Variants in CACNA2D3 observed in about 807,000 individuals in gnomAD.
CACNA2D3 encodes the protein voltage-dependent calcium channel subunit alpha-2/delta-3.
Under a neutral mutation model 160.6 loss-of-function variants are expected in CACNA2D3, and 60 were observed. The observed-to-expected ratio is 0.37, with a 90% CI of 0.30 to 0.46. CACNA2D3 has a LOEUF of 0.46. CACNA2D3 is among the 20% of genes least tolerant of loss of function. CACNA2D3 has a pLI of 1.00. For synonymous variants in CACNA2D3, 558 were observed against 492.9 expected (o/e 1.13, Z -1.75); for missense variants, 1,205 against 1,365.0 (o/e 0.88, Z 1.85).
intron 35 of CACNA2D3, among the ~76,000 whole-genome samples, chr3:55,042,239 A>T (rs1286110995): frequency 6.6e-6 from 1 of 152,110 alleles, no homozygotes; most frequent in Non-Finnish European, 1.5e-5. Flanking sequence ...CCCAAGAGAG[A>T]TTTGTTAAAA....
At chr3:54,217,425 T>C (rs1701482664) in intron 2 of CACNA2D3, among the ~76,000 whole-genome samples, 1 of 152,146 alleles carries the variant, frequency 6.6e-6, no homozygotes, top group African/African-American at 2.4e-5. Flanking sequence ...CAAGTCCTAA[T>C]CCCTGGAATT....
At chr3:54,852,300 C>T (rs914691085) in intron 17 of CACNA2D3, among the ~76,000 whole-genome samples, 9 of 152,346 alleles carry the variant, frequency 5.9e-5, no homozygotes, top group African/African-American at 2.2e-4. Flanking sequence ...CACCCCTACG[C>T]CATCTAGACT....
At chr3:54,838,434 A>G (rs1698744024) in intron 15 of CACNA2D3, 134 bp from the exon 16 acceptor site, 1 of 714,584 alleles carries the variant, frequency 1.4e-6, no homozygotes, top group Admixed American at 2.1e-5. Context: ...CCATTCTTGG[A>G]GATATGGGTT....
At chr3:54,449,437 T>C (rs773323573) in intron 4 of CACNA2D3, among the ~76,000 whole-genome samples, 1 of 152,236 alleles carries the variant, frequency 6.6e-6, no homozygotes, top group Non-Finnish European at 1.5e-5. Flanking sequence ...AAGTTTTGTT[T>C]CAAGTGTGGT....
chr3:54,895,441 G>C lies in CACNA2D3; in HGVS notation c.2247-1308G>C, dbSNP rs535908541. 3.3e-5 allele frequency among the ~76,000 whole-genome samples: 5 copies of C among 152,288 alleles called. No homozygotes were observed. The South Asian group carries it at 8.3e-4, about 25-fold the overall frequency. ...CCTGGAGGGTGTCCTCGAAGGGCAT[G>C]GGCCTCCTCTCCAAAAGTGGGCACT... On this transcript the variant is annotated intron_variant, in intron 25 of 37. Coordinates refer to ENST00000474759, the MANE Select transcript of CACNA2D3 (RefSeq NM_018398.3).
At chr3:54,751,458 G>C (rs996859841) in intron 11 of CACNA2D3, among the ~76,000 whole-genome samples, 1 of 144,908 alleles carries the variant, frequency 6.9e-6, no homozygotes, top group Non-Finnish European at 1.5e-5. Flanking sequence ...AGCGTTTTTT[G>C]TGTTTTTTTT....
At chr3:54,245,009 T>G (rs1702044053) in intron 2 of CACNA2D3, among the ~76,000 whole-genome samples, 1 of 152,132 alleles carries the variant, frequency 6.6e-6, no homozygotes, top group Admixed American at 6.5e-5. Flanking sequence ...TTAAAACGTG[T>G]TGGGTGGGTT....
chr3:54,867,542 A>AAAG (rs58946736), intron 17 of CACNA2D3, among the ~76,000 whole-genome samples: 1 of 149,828 alleles, frequency 6.7e-6, no homozygotes, highest in East Asian at 2.0e-4. Context: ...AAAAAAAAAA[A>AAAG]GGCCTTTAAA....
chr3:54,532,769 C>T (rs912267939), intron 5 of CACNA2D3, among the ~76,000 whole-genome samples: 5 of 152,148 alleles, frequency 3.3e-5, no homozygotes, highest in African/African-American at 1.2e-4. Flanking sequence ...CATTTGGATG[C>T]ATGGATCTTT....
At chr3:55,019,442 T>C (rs779421191) in intron 35 of CACNA2D3, among the ~76,000 whole-genome samples, 1 of 152,174 alleles carries the variant, frequency 6.6e-6, no homozygotes, top group Non-Finnish European at 1.5e-5. Flanking sequence ...TATATGTCTT[T>C]AGTTATATGC....
chr3:54,613,174 C>A (rs1419632632), intron 9 of CACNA2D3, among the ~76,000 whole-genome samples: 1 of 152,190 alleles, frequency 6.6e-6, no homozygotes, highest in East Asian at 1.9e-4. Flanking sequence ...TTTTACCTGC[C>A]AGGTAGACTG....
chr3:54,893,057 CTT>C (rs1700104636), intron 25 of CACNA2D3, among the ~76,000 whole-genome samples: 1 of 152,172 alleles, frequency 6.6e-6, no homozygotes, highest in Admixed American at 6.5e-5. Flanking sequence ...AGGCAGATCA[CTT>C]GAGGTCAGGA....
intron 4 of CACNA2D3, among the ~76,000 whole-genome samples, chr3:54,493,444 G>A (rs1045892914): frequency 6.6e-6 from 1 of 152,118 alleles, no homozygotes; most frequent in African/African-American, 2.4e-5. Context: ...AGAAAATAAT[G>A]TCCAGTGCTT....
chr3:54,651,604 T>A (rs1447810857), intron 11 of CACNA2D3, among the ~76,000 whole-genome samples: 1 of 151,968 alleles, frequency 6.6e-6, no homozygotes, highest in East Asian at 1.9e-4. Flanking sequence ...CAGGGCACTT[T>A]TGGAACTCTG....
Position 54,764,206 on chromosome 3 carries a change from G to C in CACNA2D3, c.1247-12G>C. ...CTGTTACTAAACTTGGCCCTCCCTT[G>C]GGTTTTGACAGGATTTTTTACCCAG... On this transcript the variant is annotated splice_polypyrimidine_tract_variant and intron_variant, in intron 12 of 37. Transcript: ENST00000474759. The C allele has an allele frequency of 1.2e-6, 2 of 1,613,164 alleles. No individual in the cohort carries two copies. The highest frequency in any genetic ancestry group is 1.7e-6 in the Non-Finnish European group (2 of 1,179,530).
chr3:54,720,139 T>G (rs1402452914), intron 11 of CACNA2D3, among the ~76,000 whole-genome samples: 1 of 152,022 alleles, frequency 6.6e-6, no homozygotes, highest in Non-Finnish European at 1.5e-5. Context: ...TTTCTATTCT[T>G]ATTTTTTATT....
chr3:54,934,517 C>T (rs1701281961), intron 27 of CACNA2D3, among the ~76,000 whole-genome samples: 1 of 152,104 alleles, frequency 6.6e-6, no homozygotes, highest in Admixed American at 6.5e-5. Flanking sequence ...TTTAGCAGGC[C>T]TTGAGTTGCC....
intron 17 of CACNA2D3, among the ~76,000 whole-genome samples, chr3:54,864,281 T>C (rs982608899): frequency 6.6e-6 from 1 of 151,746 alleles, no homozygotes; most frequent in African/African-American, 2.4e-5. Flanking sequence ...GGTGTTCTTT[T>C]TTTTTTTTTT....
intron 6 of CACNA2D3, 73 bp from the exon 7 acceptor site, chr3:54,569,722 T>G: frequency 8.1e-7 from 1 of 1,232,588 alleles, no homozygotes; most frequent in Admixed American, 2.0e-5. Context: ...ATCAGCAAAG[T>G]AGAGCAGCCT....
Sources: allele counts gnomAD v4.1 joint callset (sites outside exome capture counted in the v4.1 genomes callset), GRCh38; gene constraint gnomAD v4.1.1; transcripts MANE v1.5; gene names NCBI Gene and HGNC (gene_info 2026-07-23, HGNC 2026-07-21).